Variants in CSMD2 observed in about 807,000 individuals in gnomAD.
CSMD2 encodes CUB and sushi domain-containing protein 2.
In CSMD2, 130 loss-of-function variants were observed where a neutral mutation model predicts 398.5. The ratio of observed to expected loss-of-function variants is 0.33; its 90% CI spans 0.28 to 0.38. The LOEUF (loss-of-function observed/expected upper bound fraction) is 0.38. Among genes scored for constraint, CSMD2 ranks in the 10% least tolerant of loss-of-function variants. The pLI is 1.00. For synonymous variants in CSMD2, 1,828 were observed against 1,908.5 expected, an observed-to-expected ratio of 0.96 and a Z score of 1.10; for missense variants, 3,829 against 4,764.9, an observed-to-expected ratio of 0.80 and a Z score of 5.78.
chr1:33,838,166 A>AT (rs1168524636), intron 6 of CSMD2, among the ~76,000 whole-genome samples: 1 of 152,156 alleles, frequency 6.6e-6, no homozygotes, highest in Non-Finnish European at 1.5e-5. Flanking sequence ...AAACTAGATC[A>AT]TTCCCCTTGC....
At chr1:33,934,615 A>T (rs942355333) in intron 4 of CSMD2, among the ~76,000 whole-genome samples, 2 of 152,236 alleles carry the variant, frequency 1.3e-5, no homozygotes, top group Non-Finnish European at 2.9e-5. Context: ...TATTGGAAGA[A>T]GATGGAAAGG....
At chr1:33,800,878 C>T (rs1254128933) in intron 10 of CSMD2, among the ~76,000 whole-genome samples, 2 of 152,140 alleles carry the variant, frequency 1.3e-5, no homozygotes, top group Non-Finnish European at 2.9e-5. Context: ...TGAGGAGGGG[C>T]TGTGGAGGCA....
chr1:33,858,351 T>C (rs1639243366), intron 5 of CSMD2, among the ~76,000 whole-genome samples: 1 of 152,170 alleles, frequency 6.6e-6, no homozygotes, highest in African/African-American at 2.4e-5. Context: ...TCCCTCCTCC[T>C]GCAATACTTG....
At chr1:33,673,392 G>A (rs552576666) in intron 25 of CSMD2, among the ~76,000 whole-genome samples, 6 of 152,318 alleles carry the variant, frequency 3.9e-5, no homozygotes, top group African/African-American at 9.6e-5. Flanking sequence ...GAAATGAAGC[G>A]AGAAGAGAAG....
Position 33,635,939 on chromosome 1 carries a change from C to A in CSMD2, c.4969+421G>T, listed in dbSNP as rs983130581. ...TCATTCCTATCTCTCTTGTCAGGAC[C>A]CCCATGGCTCACCCAGACCCACCTG... On this transcript the variant is annotated intron_variant, in intron 30 of 70. Transcript: ENST00000373381. This position sits in a 1 kb window ranked among gnomAD's most constrained non-coding sequence, Gnocchi z 5.0. Among the ~76,000 whole-genome samples the A allele has an allele frequency of 4.6e-5, 7 of 152,064 alleles. No individual in the cohort carries two copies. The highest frequency in any genetic ancestry group is 1.7e-4 in the African/African-American group (7 of 41,404).
intron 3 of CSMD2, among the ~76,000 whole-genome samples, chr1:33,967,664 G>A (rs551948286): frequency 9.2e-5 from 14 of 152,210 alleles, no homozygotes; most frequent in Non-Finnish European, 2.1e-4. Flanking sequence ...CCATCTGGGA[G>A]GGAATGCCTC....
chr1:33,982,154 G>C (rs1472975492), intron 3 of CSMD2, among the ~76,000 whole-genome samples: 1 of 152,166 alleles, frequency 6.6e-6, no homozygotes, highest in Non-Finnish European at 1.5e-5. Context: ...GCAAACAGAA[G>C]TGGGTGATGG....
intron 2 of CSMD2, among the ~76,000 whole-genome samples, chr1:34,052,207 C>T (rs1653262133): frequency 6.6e-6 from 1 of 151,684 alleles, no homozygotes; most frequent in Non-Finnish European, 1.5e-5. Context: ...CACACATACA[C>T]ACAGTAGCGT....
rs1216572480 is a variant in CSMD2, at chr1:34,125,113, C to T, written c.188-35920G>A. ...GGCCAGACCAAATAAAGAAGGCCAA[C>T]TCAGGGAGTGACAAATCCCTCTATA... On this transcript the variant is annotated intron_variant, in intron 1 of 70. Transcript: ENST00000373381. 2.0e-5 allele frequency among the ~76,000 whole-genome samples: 3 copies of T among 152,168 alleles called. No homozygotes were observed. The East Asian group carries it at 5.8e-4, about 29-fold the overall frequency.
intron 21 of CSMD2, 128 bp from the exon 22 acceptor site, chr1:33,709,386 T>A: frequency 2.7e-6 from 2 of 731,144 alleles, no homozygotes; most frequent in Non-Finnish European, 4.5e-6. Flanking sequence ...GGTGCCTGCG[T>A]GTCTGTCCAG....
At chr1:33,580,266 C>A (rs1452920467) in intron 48 of CSMD2, among the ~76,000 whole-genome samples, 1 of 152,136 alleles carries the variant, frequency 6.6e-6, no homozygotes, top group Non-Finnish European at 1.5e-5. Flanking sequence ...ATTATATTCC[C>A]AGGATTATTT....
At chr1:33,670,530 G>GC (rs1331977779) in intron 25 of CSMD2, among the ~76,000 whole-genome samples, 1 of 152,098 alleles carries the variant, frequency 6.6e-6, no homozygotes, top group African/African-American at 2.4e-5. Context: ...TCCACATCTA[G>GC]CCCCTCGGAT....
At chr1:33,897,013 G>A (rs1642434919) in intron 5 of CSMD2, among the ~76,000 whole-genome samples, 1 of 152,012 alleles carries the variant, frequency 6.6e-6, no homozygotes, top group African/African-American at 2.4e-5. Flanking sequence ...TGGTGGAGGG[G>A]GCAGGGTTAC....
At chr1:33,648,401 T>A (rs1337139157) in intron 28 of CSMD2, among the ~76,000 whole-genome samples, 1 of 149,780 alleles carries the variant, frequency 6.7e-6, no homozygotes, top group Non-Finnish European at 1.5e-5. Context: ...AGTGGAAATT[T>A]AAAAAATGTG....
chr1:33,796,695 C>T (rs1654989851), intron 10 of CSMD2, among the ~76,000 whole-genome samples: 1 of 152,144 alleles, frequency 6.6e-6, no homozygotes, highest in African/African-American at 2.4e-5. Flanking sequence ...TTTCATGGAA[C>T]AAGGGAAGAC....
At chr1:33,899,230 G>A (rs1261695875) in intron 5 of CSMD2, among the ~76,000 whole-genome samples, 2 of 152,200 alleles carry the variant, frequency 1.3e-5, no homozygotes, top group African/African-American at 2.4e-5. Context: ...CCAAGGCCTC[G>A]ATGAGCCTGG....
chr1:34,032,562 C>T (rs750787118), intron 3 of CSMD2, 32 bp downstream of exon 3: 14 of 1,405,038 alleles, frequency 1.0e-5, no homozygotes, highest in African/African-American at 2.9e-5. Context: ...ATCACATCTC[C>T]GGCTCCTGTG....
chr1:34,083,721 G>A (rs563524762), intron 2 of CSMD2, among the ~76,000 whole-genome samples: 7 of 152,196 alleles, frequency 4.6e-5, no homozygotes, highest in East Asian at 1.9e-4. Flanking sequence ...GTTTGAGACC[G>A]GCCTGGGCAA....
intron 57 of CSMD2, among the ~76,000 whole-genome samples, chr1:33,544,630 T>C (rs771292815): frequency 6.6e-6 from 1 of 150,568 alleles, no homozygotes; most frequent in Non-Finnish European, 1.5e-5. Flanking sequence ...AGGTAGAGAG[T>C]GGAAAAACAG....
Sources: gnomAD v4.1 joint callset for allele counts (sites outside exome capture counted in the v4.1 genomes callset) on GRCh38, gnomAD v4.1.1 for gene constraint, Gnocchi (gnomAD v3.1) non-coding constraint, MANE v1.5 for transcripts, NCBI Gene and HGNC (gene_info 2026-07-23, HGNC 2026-07-21) for gene names.